TMEM132B: variants seen among roughly 807,000 people sequenced by gnomAD.
TMEM132B encodes transmembrane protein 132B.
Under a neutral mutation model 90.8 loss-of-function variants are expected in TMEM132B, and 18 were observed. The ratio of observed to expected loss-of-function variants is 0.20; its 90% confidence interval spans 0.14 to 0.29. The LOEUF (loss-of-function observed/expected upper bound fraction) is 0.29. Ranked by LOEUF, TMEM132B falls within the 10% of genes least tolerant of loss-of-function variation. The pLI is 1.00. For synonymous variants in TMEM132B, 504 were observed against 523.3 expected, an observed-to-expected ratio of 0.96 and a Z score of 0.50; for missense variants, 1,096 against 1,326.8, an observed-to-expected ratio of 0.83 and a Z score of 2.70.
chr12:125,385,282 T>C (rs1878796916), intron 2 of TMEM132B, among the ~76,000 whole-genome samples: 1 of 152,286 alleles, frequency 6.6e-6, no homozygotes, highest in African/African-American at 2.4e-5. Flanking sequence ...TGTTTCTTCT[T>C]GATAATATTT....
chr12:125,375,080 A>G (rs1448024836), intron 2 of TMEM132B, among the ~76,000 whole-genome samples: 1 of 152,206 alleles, frequency 6.6e-6, no homozygotes, highest in Non-Finnish European at 1.5e-5. Flanking sequence ...CTATTATGGA[A>G]ATTGTGTCAG....
intron 1 of TMEM132B, among the ~76,000 whole-genome samples, chr12:125,286,481 T>C (rs1875359966): frequency 6.6e-6 from 1 of 152,144 alleles, no homozygotes; most frequent in South Asian, 2.1e-4. Flanking sequence ...GGAACACCTT[T>C]TGGTGGGAAA....
intron 2 of TMEM132B, among the ~76,000 whole-genome samples, chr12:125,385,415 G>C (rs2136292695): frequency 6.6e-6 from 1 of 152,286 alleles, no homozygotes; most frequent in Middle Eastern, 3.4e-3. Flanking sequence ...ATGTCTCTTT[G>C]TTTCACATCG....
At chr12:125,269,890 G>T (rs545777663) in intron 1 of TMEM132B, among the ~76,000 whole-genome samples, 7 of 151,944 alleles carry the variant, frequency 4.6e-5, no homozygotes, top group Admixed American at 1.3e-4. Flanking sequence ...TCTCTTCATG[G>T]TCCAAGATAG....
At chr12:125,227,525 A>C (rs1193008100) in intron 1 of TMEM132B, among the ~76,000 whole-genome samples, 7 of 152,042 alleles carry the variant, frequency 4.6e-5, no homozygotes, top group Admixed American at 3.9e-4. Context: ...GTAGGGTTGG[A>C]AATACCTGCT....
chr12:125,583,280 A>G (rs1885096248), intron 4 of TMEM132B, among the ~76,000 whole-genome samples: 1 of 152,148 alleles, frequency 6.6e-6, no homozygotes, highest in South Asian at 2.1e-4. Flanking sequence ...TCAGCATTTA[A>G]AAATACCTGG....
intron 1 of TMEM132B, among the ~76,000 whole-genome samples, chr12:125,335,886 C>A (rs1007607441): frequency 6.6e-6 from 1 of 152,042 alleles, no homozygotes; most frequent in Non-Finnish European, 1.5e-5. Context: ...ACTTGGGAGG[C>A]TGAGGAAGGA....
intron 4 of TMEM132B, among the ~76,000 whole-genome samples, chr12:125,528,617 A>T (rs1179556138): frequency 6.6e-6 from 1 of 152,202 alleles, no homozygotes; most frequent in Non-Finnish European, 1.5e-5. Context: ...GAGGGGACTG[A>T]TGAATGCAAG....
chr12:125,268,576 A>G (rs1434937439), intron 1 of TMEM132B, among the ~76,000 whole-genome samples: 1 of 152,268 alleles, frequency 6.6e-6, no homozygotes, highest in Non-Finnish European at 1.5e-5. Flanking sequence ...CAGTGCATAT[A>G]GTATGTGACT....
chr12:125,307,366 T>C (rs1222555801), intron 1 of TMEM132B, among the ~76,000 whole-genome samples: 2 of 152,162 alleles, frequency 1.3e-5, no homozygotes, highest in Non-Finnish European at 2.9e-5. Context: ...ATACGACTAA[T>C]GTGTTTCAGT....
intron 5 of TMEM132B, among the ~76,000 whole-genome samples, chr12:125,618,104 G>C (rs1886034382): frequency 6.6e-6 from 1 of 152,112 alleles, no homozygotes; most frequent in Admixed American, 6.5e-5. Context: ...AAAAATCTGA[G>C]ACACCAGGTG....
intron 3 of TMEM132B, among the ~76,000 whole-genome samples, chr12:125,513,554 G>T (rs1020909306): frequency 5.3e-5 from 8 of 152,146 alleles, no homozygotes; most frequent in Non-Finnish European, 7.3e-5. Context: ...AAGACTTGAA[G>T]GATGCTCTTT....
chr12:125,511,955 T>C (rs1882992420), intron 3 of TMEM132B, among the ~76,000 whole-genome samples: 1 of 152,020 alleles, frequency 6.6e-6, no homozygotes, highest in Non-Finnish European at 1.5e-5. Flanking sequence ...AGGTGAGGGT[T>C]CACCACCAAG....
At chr12:125,612,079 G>A (rs1033161512) in intron 5 of TMEM132B, among the ~76,000 whole-genome samples, 2 of 151,862 alleles carry the variant, frequency 1.3e-5, no homozygotes, top group African/African-American at 4.8e-5. Flanking sequence ...TAGATCTGGG[G>A]CTCTGTTTTT....
intron 3 of TMEM132B, among the ~76,000 whole-genome samples, chr12:125,435,606 T>C (rs1199359772): frequency 6.6e-6 from 1 of 152,228 alleles, no homozygotes; most frequent in African/African-American, 2.4e-5. Flanking sequence ...AAATGGTCAA[T>C]GTCCTCCATG....
At chr12:125,300,145 GA>G (rs1335115123) in intron 1 of TMEM132B, among the ~76,000 whole-genome samples, 1 of 151,424 alleles carries the variant, frequency 6.6e-6, no homozygotes, top group Non-Finnish European at 1.5e-5. Context: ...CCACCTAAAG[GA>G]ACCCCTCTCC....
At chr12:125,194,985 A>G (rs1190822045) in intron 1 of TMEM132B, among the ~76,000 whole-genome samples, 1 of 152,062 alleles carries the variant, frequency 6.6e-6, no homozygotes, top group African/African-American at 2.4e-5. Flanking sequence ...ATTACTATAC[A>G]GGTTTCTGTT....
At chr12:125,649,146 A>G (rs1305060891) in intron 6 of TMEM132B, among the ~76,000 whole-genome samples, 1 of 152,202 alleles carries the variant, frequency 6.6e-6, no homozygotes, top group Non-Finnish European at 1.5e-5. Context: ...CAAAATTGTT[A>G]TGCTATTGTG....
intron 3 of TMEM132B, among the ~76,000 whole-genome samples, chr12:125,487,669 T>C (rs1317077665): frequency 6.6e-6 from 1 of 152,230 alleles, no homozygotes; most frequent in East Asian, 1.9e-4. Flanking sequence ...AGGCTGCAGA[T>C]ACATGGCTTT....
Sources: gnomAD v4.1 joint callset for allele counts (sites outside exome capture counted in the v4.1 genomes callset) on GRCh38, gnomAD v4.1.1 for gene constraint, MANE v1.5 for transcripts, NCBI Gene and HGNC (gene_info 2026-07-23, HGNC 2026-07-21) for gene names.